The following CADM1 variants were observed in gnomAD, a reference collection of about 807,000 sequenced individuals.
The protein encoded by CADM1 is cell adhesion molecule 1, also known as TSLC-1.
In CADM1, 15 loss-of-function variants were observed where a neutral mutation model predicts 53.1. The ratio of observed to expected loss-of-function variants is 0.28; its 90% CI spans 0.19 to 0.44. The LOEUF (loss-of-function observed/expected upper bound fraction) is 0.44, where lower values mean the gene tolerates loss of function less well. Ranked by LOEUF, CADM1 falls within the 20% of genes least tolerant of loss-of-function variation. The pLI is 1.00. For synonymous variants in CADM1, 281 were observed against 243.0 expected, an observed-to-expected ratio of 1.16 and a Z score of -1.45; for missense variants, 434 against 611.3, an observed-to-expected ratio of 0.71 and a Z score of 3.06.
chr11:115,264,408 G>A (rs1188843782), intron 1 of CADM1, among the ~76,000 whole-genome samples: 1 of 152,148 alleles, frequency 6.6e-6, no homozygotes, highest in Non-Finnish European at 1.5e-5. Context: ...TCCTTTCTGT[G>A]GGCTAATGGA....
intron 1 of CADM1, among the ~76,000 whole-genome samples, chr11:115,253,783 A>G (rs1942685678): frequency 6.6e-6 from 1 of 152,198 alleles, no homozygotes; most frequent in Non-Finnish European, 1.5e-5. Context: ...GAGAGCTCTG[A>G]TGACTGCCCA....
intron 5 of CADM1, among the ~76,000 whole-genome samples, chr11:115,219,738 C>G (rs539031559): frequency 6.6e-6 from 1 of 152,244 alleles, no homozygotes; most frequent in South Asian, 2.1e-4. Flanking sequence ...CTTTCAGAGA[C>G]AGAGGCCACA....
chr11:115,190,032 C>A (rs1939770639), intron 10 of CADM1, among the ~76,000 whole-genome samples: 1 of 152,192 alleles, frequency 6.6e-6, no homozygotes, highest in Non-Finnish European at 1.5e-5. Context: ...AGTAAAAGCG[C>A]CTCTGGAATC....
chr11:115,174,221 G>A lies in CADM1; in HGVS notation c.*2253C>T. The A allele has an allele frequency of 3.0e-6, 3 of 985,024 alleles. No homozygotes were observed. Among genetic ancestry groups the A allele is most frequent in the Non-Finnish European group, 2.4e-6 (2 of 829,840 alleles). The allele number at this position is 985,024 out of a possible 1,614,324, so 61.0% of individuals were successfully genotyped here. The stretch of plus-strand genomic sequence containing the variant: ...TGTACACTTTTCAAAACAGAAAGAT[G>A]GGAGGTCCCAAAAATGAGATGCCAA... On this transcript the variant is annotated 3_prime_UTR_variant, in exon 12 of 12. Transcript: ENST00000331581.
intron 1 of CADM1, among the ~76,000 whole-genome samples, chr11:115,473,877 T>C (rs1370766252): frequency 6.6e-6 from 1 of 152,042 alleles, no homozygotes; most frequent in Non-Finnish European, 1.5e-5. Flanking sequence ...AAAGACACTA[T>C]TAAGAGACTG....
intron 1 of CADM1, among the ~76,000 whole-genome samples, chr11:115,374,131 T>C (rs1946380810): frequency 6.6e-6 from 1 of 152,148 alleles, no homozygotes; most frequent in East Asian, 1.9e-4. Context: ...ATTCCAGGTT[T>C]GAGGCAAGAA....
intron 1 of CADM1, among the ~76,000 whole-genome samples, chr11:115,378,458 T>C (rs1164918018): frequency 3.3e-5 from 5 of 152,074 alleles, no homozygotes; most frequent in Non-Finnish European, 5.9e-5. Flanking sequence ...TCCTGCACTA[T>C]GGAAAACTGC....
intron 5 of CADM1, among the ~76,000 whole-genome samples, chr11:115,226,971 T>A (rs1459001338): frequency 6.6e-6 from 1 of 152,206 alleles, no homozygotes; most frequent in Non-Finnish European, 1.5e-5. Flanking sequence ...TCAAACCAGA[T>A]GCGAAGTTCC....
At chr11:115,403,598 T>G (rs1423803731) in intron 1 of CADM1, among the ~76,000 whole-genome samples, 1 of 151,956 alleles carries the variant, frequency 6.6e-6, no homozygotes, top group Non-Finnish European at 1.5e-5. Context: ...TTGTTTTTAA[T>G]TTTTTTTGTT....
intron 7 of CADM1, among the ~76,000 whole-genome samples, chr11:115,211,584 ATTC>A (rs1295668409): frequency 6.7e-6 from 1 of 149,704 alleles, no homozygotes; most frequent in Non-Finnish European, 1.5e-5. Flanking sequence ...GGTTCAAGCA[ATTC>A]TTCTGCCTCA....
At chr11:115,413,768 T>C (rs112837195) in intron 1 of CADM1, among the ~76,000 whole-genome samples, 82 of 151,596 alleles carry the variant, frequency 5.4e-4, no homozygotes, top group African/African-American at 1.7e-3. Flanking sequence ...CCTCAGCCTG[T>C]GGAGTAGCTG....
intron 1 of CADM1, among the ~76,000 whole-genome samples, chr11:115,307,600 G>A (rs962384863): frequency 3.3e-5 from 5 of 151,316 alleles, no homozygotes; most frequent in African/African-American, 9.7e-5. Context: ...GTTGCTTCAG[G>A]TCTTTAGGAT....
At chr11:115,477,919 T>C (rs1949171400) in intron 1 of CADM1, among the ~76,000 whole-genome samples, 1 of 152,224 alleles carries the variant, frequency 6.6e-6, no homozygotes, top group African/African-American at 2.4e-5. Flanking sequence ...ATTCTATTCT[T>C]GTCCTTGGGA....
At chr11:115,446,527 G>T (rs1948454369) in intron 1 of CADM1, among the ~76,000 whole-genome samples, 1 of 152,154 alleles carries the variant, frequency 6.6e-6, no homozygotes, top group Non-Finnish European at 1.5e-5. Flanking sequence ...CTTTATAAAG[G>T]CCATTCCCCT....
chr11:115,371,461 GAAT>G (rs756962539), intron 1 of CADM1, among the ~76,000 whole-genome samples: 10 of 151,638 alleles, frequency 6.6e-5, no homozygotes, highest in Non-Finnish European at 1.2e-4. Flanking sequence ...AGATAAACTG[GAAT>G]AATAAACAAT....
intron 8 of CADM1, among the ~76,000 whole-genome samples, chr11:115,208,027 A>T (rs1224457948): frequency 6.6e-6 from 1 of 152,220 alleles, no homozygotes; most frequent in African/African-American, 2.4e-5. Flanking sequence ...CATCTTTGAT[A>T]TGCTGGTGAA....
At chr11:115,384,463 G>A (rs145526680) in intron 1 of CADM1, among the ~76,000 whole-genome samples, 1 of 152,254 alleles carries the variant, frequency 6.6e-6, no homozygotes, top group East Asian at 1.9e-4. Context: ...AGTGTGATTT[G>A]GCAGTCGATT....
chr11:115,362,971 G>A (rs1484352869), intron 1 of CADM1, among the ~76,000 whole-genome samples: 1 of 152,130 alleles, frequency 6.6e-6, no homozygotes, highest in Non-Finnish European at 1.5e-5. Flanking sequence ...GAAATATAGA[G>A]CAAAGCTGTT....
At chr11:115,402,959 G>A (rs1411407611) in intron 1 of CADM1, among the ~76,000 whole-genome samples, 3 of 152,146 alleles carry the variant, frequency 2.0e-5, no homozygotes, top group African/African-American at 7.2e-5. Context: ...TAACAAATGT[G>A]GAAAGGATGA....
Sources: allele counts gnomAD v4.1 joint callset (sites outside exome capture counted in the v4.1 genomes callset), GRCh38; gene constraint gnomAD v4.1.1; transcripts MANE v1.5; gene names NCBI Gene and HGNC (gene_info 2026-07-23, HGNC 2026-07-21).